The following SLC2A9 variants were observed in gnomAD, a reference collection of about 807,000 sequenced individuals.
The protein encoded by SLC2A9 is solute carrier family 2 member 9.
In SLC2A9, 39 loss-of-function variants were observed where a neutral mutation model predicts 50.6. The observed-to-expected ratio is 0.77, with a 90% CI of 0.60 to 1.01. The LOEUF (loss-of-function observed/expected upper bound fraction) is 1.01, where lower values mean the gene tolerates loss of function less well. Ranked by LOEUF, SLC2A9 falls within the 50% of genes least tolerant of loss-of-function variation. SLC2A9 has a pLI of 0.00. For missense variants in SLC2A9, 686 were observed against 677.6 expected, an observed-to-expected ratio of 1.01 and a Z score of -0.14; for synonymous variants, 324 against 276.9, an observed-to-expected ratio of 1.17 and a Z score of -1.69.
intron 7 of SLC2A9, among the ~76,000 whole-genome samples, chr4:9,910,101 G>A (rs1003822379): frequency 6.6e-6 from 1 of 152,242 alleles, no homozygotes; most frequent in Non-Finnish European, 1.5e-5. Flanking sequence ...ACCAAGAGAT[G>A]CCAGTGAAAA....
At chr4:9,860,652 T>G (rs1051846026) in intron 10 of SLC2A9, among the ~76,000 whole-genome samples, 1 of 152,234 alleles carries the variant, frequency 6.6e-6, no homozygotes, top group African/African-American at 2.4e-5. Context: ...AGGGCTGGAC[T>G]TCAGGCCAGC....
In SLC2A9 at chr4:9,890,608, A is replaced by G; in HGVS notation, c.1215+2T>C. Reference sequence around the variant, plus strand: ...TCAAATGTGACAAGAACATCGTCTCACCTGCAGGGTCAGCGTGATGGTGAG... The same window carrying G: ...TCAAATGTGACAAGAACATCGTCTCGCCTGCAGGGTCAGCGTGATGGTGAG... On this transcript the variant is annotated splice_donor_variant, in intron 9 of 11. Coordinates refer to ENST00000264784, the MANE Select transcript of SLC2A9 (RefSeq NM_020041.3). LOFTEE classifies it high-confidence loss of function. The G allele has an allele frequency of 6.2e-7, 1 of 1,613,952 alleles. No individual in the cohort carries two copies.
downstream of SLC2A9, among the ~76,000 whole-genome samples, chr4:9,796,483 T>C (rs1408709740): frequency 8.5e-5 from 13 of 152,212 alleles, no homozygotes; most frequent in Admixed American, 2.6e-4. Context: ...CATGCCTCCT[T>C]ATGCAGTGCT....
At chr4:9,783,409 G>C (rs762916143) in intron 3 of SLC2A9, 3 of 1,614,024 alleles carry the variant, frequency 1.9e-6, no homozygotes, top group Non-Finnish European at 2.5e-6. Flanking sequence ...TGGACTGCGA[G>C]GGGGAGATTT....
At chr4:9,868,397 T>G (rs1381210257) in intron 10 of SLC2A9, among the ~76,000 whole-genome samples, 4 of 152,238 alleles carry the variant, frequency 2.6e-5, no homozygotes, top group African/African-American at 9.6e-5. Flanking sequence ...CCAGGTGACC[T>G]GATAATAATC....
At chr4:9,989,251 G>A (rs1362313553) in intron 3 of SLC2A9, among the ~76,000 whole-genome samples, 1 of 152,114 alleles carries the variant, frequency 6.6e-6, no homozygotes, top group East Asian at 1.9e-4. Context: ...CATCTACAAA[G>A]CTCAGCTTGG....
intron 10 of SLC2A9, among the ~76,000 whole-genome samples, chr4:9,854,088 T>C (rs11933731): frequency 0.16 from 24,175 of 151,616 alleles, 2,633 homozygotes; most frequent in African/African-American, 0.31. Context: ...CTAGAGGAAT[T>C]AGCAAACCAA....
At chr4:10,014,353 C>T (rs1234640536) in intron 2 of SLC2A9, among the ~76,000 whole-genome samples, 4 of 152,218 alleles carry the variant, frequency 2.6e-5, no homozygotes, top group Admixed American at 2.6e-4. Flanking sequence ...GGATTCTCTG[C>T]AGGATTCTGA....
intron 10 of SLC2A9, among the ~76,000 whole-genome samples, chr4:9,885,351 C>G (rs1279746647): frequency 6.6e-6 from 1 of 152,146 alleles, no homozygotes; most frequent in Non-Finnish European, 1.5e-5. Flanking sequence ...TGAAAAGAAT[C>G]TTGGTATTAG....
At chr4:9,793,927 GACA>G (rs1171254563) in intron 3 of SLC2A9, among the ~76,000 whole-genome samples, 2 of 152,150 alleles carry the variant, frequency 1.3e-5, no homozygotes, top group Admixed American at 6.5e-5. Flanking sequence ...TGACATTTCA[GACA>G]ACAAGGAATG....
intron 11 of SLC2A9, among the ~76,000 whole-genome samples, chr4:9,827,862 A>T (rs1048645565): frequency 8.5e-5 from 13 of 152,286 alleles, no homozygotes; most frequent in African/African-American, 3.1e-4. Flanking sequence ...TGATCCCATT[A>T]CTCACATGTT....
chr4:9,782,558 C>G, intron 3 of SLC2A9: 1 of 1,613,982 alleles, frequency 6.2e-7, no homozygotes, highest in Non-Finnish European at 8.5e-7. Context: ...CATTCCGGTC[C>G]AGCTCAACTG....
chr4:10,005,115 G>A (rs1760547984), intron 2 of SLC2A9, among the ~76,000 whole-genome samples: 2 of 152,172 alleles, frequency 1.3e-5, no homozygotes, highest in South Asian at 4.1e-4. Context: ...CCTTCAAGGA[G>A]TTCAAGATCT....
intron 7 of SLC2A9, among the ~76,000 whole-genome samples, chr4:9,908,816 A>G (rs1409193659): frequency 1.3e-5 from 2 of 152,168 alleles, no homozygotes. Context: ...GCAGCGAGAT[A>G]GAAACAGTAA....
downstream of SLC2A9, among the ~76,000 whole-genome samples, chr4:9,794,316 G>C (rs1356977242): frequency 6.6e-6 from 1 of 152,014 alleles, no homozygotes; most frequent in African/African-American, 2.4e-5. Context: ...CACCACGCCC[G>C]GCTAATTTTT....
At chr4:9,799,430 A>G (rs1721026578) in intron 3 of SLC2A9, among the ~76,000 whole-genome samples, 1 of 151,898 alleles carries the variant, frequency 6.6e-6, no homozygotes, top group African/African-American at 2.4e-5. Context: ...CATGTGGTGG[A>G]AGGGGTCAAA....
chr4:9,887,063 C>T (rs1736402217), intron 10 of SLC2A9, among the ~76,000 whole-genome samples: 1 of 152,236 alleles, frequency 6.6e-6, no homozygotes. Flanking sequence ...TCAGGCCACT[C>T]CACCTACTCG....
intron 3 of SLC2A9, among the ~76,000 whole-genome samples, chr4:9,793,542 T>C (rs1001040365): frequency 7.9e-5 from 12 of 152,240 alleles, no homozygotes; most frequent in Non-Finnish European, 1.3e-4. Flanking sequence ...TGTTGAATTA[T>C]TTGTGGATTA....
At chr4:9,945,541 G>A (rs1404076993) in intron 5 of SLC2A9, among the ~76,000 whole-genome samples, 3 of 152,178 alleles carry the variant, frequency 2.0e-5, no homozygotes, top group African/African-American at 7.2e-5. Flanking sequence ...ATAGCTCATT[G>A]AGGCCACAAC....
Sources: allele counts gnomAD v4.1 joint callset (sites outside exome capture counted in the v4.1 genomes callset), GRCh38; gene constraint gnomAD v4.1.1; transcripts MANE v1.5; gene names NCBI Gene and HGNC (gene_info 2026-07-23, HGNC 2026-07-21).